NUP50: variants seen among roughly 807,000 people sequenced by gnomAD.
NUP50 encodes nucleoporin 50, also known as nuclear pore complex protein Nup50.
In NUP50, 14 loss-of-function variants were observed where a neutral mutation model predicts 36.8. The observed-to-expected ratio is 0.38, with a 90% confidence interval of 0.25 to 0.59. The LOEUF (loss-of-function observed/expected upper bound fraction) is 0.59. Among genes scored for constraint, NUP50 ranks in the 20% least tolerant of loss-of-function variants. NUP50 has a pLI of 0.63. For synonymous variants in NUP50, 195 were observed against 210.8 expected, an observed-to-expected ratio of 0.93 and a Z score of 0.65; for missense variants, 455 against 564.6, an observed-to-expected ratio of 0.81 and a Z score of 1.97.
At position 45,171,620 on chromosome 22, in the gene NUP50, CAGTGAGGA is replaced by C. The variant is rs1318578800; in HGVS notation, c.94_101del (p.Glu32LeufsTer4). 1 of 1,614,062 alleles carries C rather than the reference CAGTGAGGA, an allele frequency of 6.2e-7. No individual in the cohort carries two copies. The highest frequency in any genetic ancestry group is 8.5e-7 in the Non-Finnish European group (1 of 1,179,970). On this transcript the variant is annotated frameshift_variant, in exon 3 of 8. Transcript: ENST00000347635. LOFTEE classifies it high-confidence loss of function. ...TGCAGGTGGGAACATTCTCCATGGC[CAGTGAGGA>C]AGTCTTGAAGAATAGAGCCATAAAG...
intron 5 of NUP50, among the ~76,000 whole-genome samples, chr22:45,179,546 G>A (rs550046379): frequency 6.6e-6 from 1 of 152,278 alleles, no homozygotes; most frequent in East Asian, 1.9e-4. Flanking sequence ...TCCTCACATG[G>A]TGGTTGTGAA....
At position 45,164,105 on chromosome 22, in the gene NUP50, C is replaced by G. The variant is rs1489438029; in HGVS notation, c.-202C>G. 6.6e-6 allele frequency: 1 copy of G among 152,270 alleles called. No homozygotes were observed. Among genetic ancestry groups the G allele is most frequent in the Admixed American group, 6.5e-5 (1 of 15,280 alleles). 9.4% of individuals were successfully genotyped at this position (152,270 alleles called of 1,614,324 possible). A position where few individuals can be genotyped will look rare whatever the true frequency, so the allele number is the denominator to read the frequency against. On this transcript the variant is annotated 5_prime_UTR_variant, in exon 1 of 8. Transcript: ENST00000347635. Reference sequence around the variant, plus strand: ...CCCTGCCGAACACAGCGTGAGGAGCCCCCCCAGGGATATGGTGTTTGAGTC... The same window carrying G: ...CCCTGCCGAACACAGCGTGAGGAGCGCCCCCAGGGATATGGTGTTTGAGTC...
In NUP50 at chr22:45,185,417, A is replaced by ATGT. The variant is rs1485364633; in HGVS notation, c.*763_*765dup. 1.3e-5 allele frequency: 2 copies of ATGT among 152,550 alleles called. No homozygotes were observed. Among genetic ancestry groups the ATGT allele is most frequent in the South Asian group, 2.1e-4 (1 of 4,828 alleles). The allele number at this position is 152,550 out of a possible 1,614,324, so 9.4% of individuals were successfully genotyped here. A position where few individuals can be genotyped will look rare whatever the true frequency, so the allele number is the denominator to read the frequency against. ...GCCAGGAATGGGTTTAAAAGCACAA[A>ATGT]TGTGGTAGCTTATCATCTACACCAT... On this transcript the variant is annotated 3_prime_UTR_variant, in exon 8 of 8. Coordinates refer to ENST00000347635, the MANE Select transcript of NUP50 (RefSeq NM_007172.4).
chr22:45,164,261 C>G lies in NUP50; in HGVS notation c.-46C>G, dbSNP rs2074057927. The G allele has an allele frequency of 6.6e-6, 1 of 152,494 alleles. No individual in the cohort carries two copies. Among genetic ancestry groups the G allele is most frequent in the Admixed American group, 6.5e-5 (1 of 15,286 alleles). The allele number at this position is 152,494 out of a possible 1,614,324, so 9.4% of individuals were successfully genotyped here. A position where few individuals can be genotyped will look rare whatever the true frequency, so the allele number is the denominator to read the frequency against. On this transcript the variant is annotated 5_prime_UTR_variant, in exon 1 of 8. Coordinates refer to ENST00000347635, the MANE Select transcript of NUP50 (RefSeq NM_007172.4). ...GCTGCGCCCCGGGTTTCGCCGCAAC[C>G]AAGACCCAGCGAGTGCAGCGGCGGC... is the stretch of plus-strand genomic sequence containing the variant.
chr22:45,182,581 A>T (rs1351425921), intron 6 of NUP50, among the ~76,000 whole-genome samples: 2 of 151,722 alleles, frequency 1.3e-5, no homozygotes, highest in Non-Finnish European at 2.9e-5. Context: ...AAATTTATTT[A>T]AAAATGTTGT....
chr22:45,182,529 A>G (rs968448064), intron 6 of NUP50, among the ~76,000 whole-genome samples: 18 of 151,728 alleles, frequency 1.2e-4, no homozygotes, highest in African/African-American at 4.4e-4. Context: ...AAGATATTTG[A>G]TTACTTTGTT....
intron 6 of NUP50, 150 bp from the exon 7 acceptor site, chr22:45,183,250 GCT>G (rs1453644246): frequency 3.6e-6 from 2 of 548,448 alleles, no homozygotes; most frequent in Admixed American, 3.2e-5. Context: ...TTTTGCTCAG[GCT>G]CTGTTTGGAT....
intron 6 of NUP50, 22 bp from the exon 7 acceptor site, chr22:45,183,380 T>A (rs1569057684): frequency 7.4e-7 from 1 of 1,345,552 alleles, no homozygotes; most frequent in Non-Finnish European, 1.1e-6. Context: ...TGCTTGATGG[T>A]CCCTATTATT....
chr22:45,177,282 G>C (rs187724936), intron 4 of NUP50, among the ~76,000 whole-genome samples: 232 of 152,290 alleles, frequency 1.5e-3, no homozygotes, highest in Non-Finnish European at 2.8e-3. Context: ...CCGAGCTCAA[G>C]TGATCCTCCC....
chr22:45,173,901 A>C (rs565002267), intron 3 of NUP50, among the ~76,000 whole-genome samples: 2 of 152,352 alleles, frequency 1.3e-5, no homozygotes, highest in African/African-American at 4.8e-5. Context: ...TGTAACTCTT[A>C]GCCTGAAGTT....
chr22:45,169,320 T>C (rs970650624), intron 2 of NUP50, among the ~76,000 whole-genome samples: 4 of 152,136 alleles, frequency 2.6e-5, no homozygotes, highest in Non-Finnish European at 5.9e-5. Context: ...CTGTGACCTG[T>C]GATTGCACCA....
chr22:45,166,164 T>C (rs1052344334), intron 1 of NUP50: 2 of 152,254 alleles, frequency 1.3e-5, no homozygotes, highest in African/African-American at 4.8e-5. Flanking sequence ...TAGACTATTT[T>C]ACTGCGTCAC....
At chr22:45,178,942 T>G (rs1601784106) in intron 5 of NUP50, 42 bp downstream of exon 5, 1 of 1,543,482 alleles carries the variant, frequency 6.5e-7, no homozygotes, top group East Asian at 2.3e-5. Context: ...TTGCATAAGA[T>G]TCTTGTTTCT....
At chr22:45,171,125 G>A (rs1485950251) in intron 2 of NUP50, 4 of 1,260,314 alleles carry the variant, frequency 3.2e-6, no homozygotes, top group East Asian at 5.9e-5. Flanking sequence ...AGGTGCCTCC[G>A]TGGCCTTTCG....
At position 45,185,075 on chromosome 22, in the gene NUP50, T is replaced by G; in HGVS notation, c.*420T>G. The stretch of plus-strand genomic sequence containing the variant: ...TTCAGAAGGAAGCTGGCCTGTGTGC[T>G]TCTCTCCGGTGGGCTCAGCCGACGT... On this transcript the variant is annotated 3_prime_UTR_variant, in exon 8 of 8. Transcript: ENST00000347635. 1 of 220,608 alleles carries G rather than the reference T, an allele frequency of 4.5e-6. No homozygotes were observed. Among genetic ancestry groups the G allele is most frequent in the East Asian group, 1.2e-4 (1 of 8,002 alleles). The allele number at this position is 220,608 out of a possible 1,614,324, so 13.7% of individuals were successfully genotyped here.
intron 1 of NUP50, chr22:45,165,995 C>T (rs1459174084): frequency 6.6e-6 from 1 of 152,138 alleles, no homozygotes; most frequent in Non-Finnish European, 1.5e-5. Context: ...GAAATACTTC[C>T]CCAGCTCACT....
At chr22:45,181,492 C>T (rs75217739) in intron 6 of NUP50, 125 bp downstream of exon 6, 5 of 162,642 alleles carry the variant, frequency 3.1e-5, no homozygotes, top group African/African-American at 4.5e-5. Context: ...TGCCTGCTCT[C>T]AAGTGGAACA....
chr22:45,172,513 C>T (rs1471476708), intron 3 of NUP50, among the ~76,000 whole-genome samples: 1 of 152,058 alleles, frequency 6.6e-6, no homozygotes, highest in Non-Finnish European at 1.5e-5. Context: ...GGTGCCGTGC[C>T]AGTAAGCATA....
intron 2 of NUP50, among the ~76,000 whole-genome samples, chr22:45,169,112 G>A (rs1482497082): frequency 6.6e-6 from 1 of 152,064 alleles, no homozygotes; most frequent in Admixed American, 6.5e-5. Context: ...ATGTTGGTCA[G>A]ACTGGTCTCA....
Sources: allele counts gnomAD v4.1 joint callset (sites outside exome capture counted in the v4.1 genomes callset), GRCh38; gene constraint gnomAD v4.1.1; transcripts MANE v1.5; gene names NCBI Gene and HGNC (gene_info 2026-07-23, HGNC 2026-07-21).